LONP2: variants seen among roughly 807,000 people sequenced by gnomAD.
The protein encoded by LONP2 is lon peptidase 2, peroxisomal.
Under a neutral mutation model 85.6 loss-of-function variants are expected in LONP2, and 60 were observed. The ratio of observed to expected loss-of-function variants is 0.70; its 90% confidence interval spans 0.57 to 0.87. The LOEUF (loss-of-function observed/expected upper bound fraction) is 0.87, where lower values mean the gene tolerates loss of function less well. Ranked by LOEUF, LONP2 falls within the 40% of genes least tolerant of loss-of-function variation. The pLI is 0.00. For missense variants in LONP2, 860 were observed against 1,063.5 expected, an observed-to-expected ratio of 0.81 and a Z score of 2.66; for synonymous variants, 395 against 389.7, an observed-to-expected ratio of 1.01 and a Z score of -0.16.
At chr16:48,292,972 T>G (rs1972586681) in intron 8 of LONP2, among the ~76,000 whole-genome samples, 1 of 152,230 alleles carries the variant, frequency 6.6e-6, no homozygotes, top group East Asian at 1.9e-4. Flanking sequence ...TTTAAAAACC[T>G]CCTTCATAAT....
At chr16:48,279,339 T>A (rs1046709355) in intron 8 of LONP2, among the ~76,000 whole-genome samples, 2 of 152,152 alleles carry the variant, frequency 1.3e-5, no homozygotes, top group Non-Finnish European at 2.9e-5. Context: ...TAGAGTCAGC[T>A]GGCTGTGCTG....
rs545537128 is a variant in LONP2 at position 48,284,342 on chromosome 16, A to T, written c.1383+6863A>T. On this transcript the variant is annotated intron_variant, in intron 8 of 14. Coordinates refer to ENST00000285737, the MANE Select transcript of LONP2 (RefSeq NM_031490.5). ...TGACTTCAATTTTGAAAGAAATTCTACGGTGGGCAAAATGCTATCGAATAG... is the reference window on the plus strand; with the variant it reads ...TGACTTCAATTTTGAAAGAAATTCTTCGGTGGGCAAAATGCTATCGAATAG... Among the ~76,000 whole-genome samples, 28 of 152,368 alleles carry T rather than the reference A, an allele frequency of 1.8e-4. No individual in the cohort carries two copies. The East Asian group carries it at 5.4e-3, about 29-fold the overall frequency.
intron 11 of LONP2, among the ~76,000 whole-genome samples, chr16:48,325,523 G>A (rs1435239015): frequency 1.3e-5 from 2 of 152,066 alleles, no homozygotes; most frequent in African/African-American, 2.4e-5. Context: ...TTTGTCTTTT[G>A]GTGCCTGGCT....
In LONP2 at chr16:48,270,032, G is replaced by C. The variant is rs750099142; in HGVS notation, c.999G>C (p.Arg333Ser). Residue 333 changes from arginine (R) to serine (S), a missense_variant, in exon 7 of 15, where the codon AGG (arginine) becomes AGC (serine). This residue lies in a region of LONP2 where 743 missense variants were observed against 917.3 expected (regional missense o/e 0.81). Transcript: ENST00000285737. ...ATTTGACAGACCGCCTGGACATTAGGGCAGCCCGGATTCTTCTGGATAATG... is the reference window on the plus strand; with the variant it reads ...ATTTGACAGACCGCCTGGACATTAGCGCAGCCCGGATTCTTCTGGATAATG... ...NKSTTDRLDI[R>S]AARILLDNDH... is the part of the protein sequence containing the mutation. 2 of 1,613,716 alleles carry C rather than the reference G, an allele frequency of 1.2e-6. No individual in the cohort carries two copies. Among genetic ancestry groups the C allele is most frequent in the Non-Finnish European group, 1.7e-6 (2 of 1,179,832 alleles).
chr16:48,357,805 A>C (rs768654496), downstream of LONP2, among the ~76,000 whole-genome samples: 41 of 152,200 alleles, frequency 2.7e-4, no homozygotes, highest in Non-Finnish European at 5.3e-4. Flanking sequence ...CATACGTTTG[A>C]AGTTTGCAGA....
At chr16:48,340,080 G>A (rs1596999268) in intron 12 of LONP2, among the ~76,000 whole-genome samples, 1 of 152,198 alleles carries the variant, frequency 6.6e-6, no homozygotes, top group Admixed American at 6.5e-5. Flanking sequence ...AAAGGAAGGA[G>A]CAGAGTTTAG....
intron 8 of LONP2, among the ~76,000 whole-genome samples, chr16:48,287,598 G>T (rs1018001495): frequency 6.6e-6 from 1 of 152,312 alleles, no homozygotes; most frequent in Non-Finnish European, 1.5e-5. Context: ...GGCTTTTGAA[G>T]GATTGTAATC....
At chr16:48,348,044 G>A in intron 13 of LONP2, 56 bp from the exon 14 acceptor site, 3 of 1,476,314 alleles carry the variant, frequency 2.0e-6, no homozygotes, top group Non-Finnish European at 2.8e-6. Context: ...TTTTTTAGGA[G>A]AAAAAGAAAA....
intron 1 of LONP2, among the ~76,000 whole-genome samples, chr16:48,248,649 T>A (rs1249812230): frequency 2.0e-5 from 3 of 152,116 alleles, no homozygotes; most frequent in Non-Finnish European, 4.4e-5. Context: ...CGGGCTGAAC[T>A]GAACTAACAT....
chr16:48,357,716 T>C (rs1960428680), downstream of LONP2, among the ~76,000 whole-genome samples: 1 of 152,194 alleles, frequency 6.6e-6, no homozygotes, highest in Non-Finnish European at 1.5e-5. Flanking sequence ...ACTGCAGATG[T>C]TTCTAAATAT....
intron 5 of LONP2, among the ~76,000 whole-genome samples, chr16:48,262,452 A>G (rs1021445820): frequency 6.6e-6 from 1 of 152,166 alleles, no homozygotes; most frequent in African/African-American, 2.4e-5. Flanking sequence ...GTTTGCAGGT[A>G]TCTGCCTTAT....
intron 10 of LONP2, among the ~76,000 whole-genome samples, chr16:48,300,162 C>T (rs781521218): frequency 1.3e-4 from 20 of 152,180 alleles, no homozygotes; most frequent in Admixed American, 2.6e-4. Flanking sequence ...TTTTTATGCC[C>T]AGGATCTTGA....
intron 11 of LONP2, among the ~76,000 whole-genome samples, chr16:48,327,921 A>G (rs1959296779): frequency 6.6e-6 from 1 of 152,178 alleles, no homozygotes; most frequent in Non-Finnish European, 1.5e-5. Context: ...AATGTATGTG[A>G]TTCCCAACCG....
chr16:48,303,089 T>G (rs1051984288), intron 10 of LONP2, 83 bp from the exon 11 acceptor site: 11 of 1,501,238 alleles, frequency 7.3e-6, no homozygotes, highest in Non-Finnish European at 1.0e-5. Flanking sequence ...GTACACTGTT[T>G]TACCAAAAAT....
intron 8 of LONP2, among the ~76,000 whole-genome samples, chr16:48,291,938 C>T (rs1054287505): frequency 1.4e-4 from 22 of 152,124 alleles, no homozygotes; most frequent in African/African-American, 5.3e-4. Flanking sequence ...ATTTTGGCAA[C>T]GTTCTCCAGA....
intron 1 of LONP2, among the ~76,000 whole-genome samples, chr16:48,247,053 G>A (rs149957069): frequency 2.7e-3 from 414 of 152,228 alleles, no homozygotes; most frequent in African/African-American, 9.6e-3. Flanking sequence ...ATATTGAAAA[G>A]TCTTCATAGA....
At chr16:48,290,487 T>C (rs1222363497) in intron 8 of LONP2, among the ~76,000 whole-genome samples, 2 of 152,134 alleles carry the variant, frequency 1.3e-5, no homozygotes, top group African/African-American at 2.4e-5. Context: ...CAGTCGTGAG[T>C]TGACTTCCAG....
intron 8 of LONP2, among the ~76,000 whole-genome samples, chr16:48,291,617 T>C (rs763589507): frequency 3.3e-5 from 5 of 152,266 alleles, no homozygotes; most frequent in African/African-American, 4.8e-5. Flanking sequence ...AATCTTTTAG[T>C]TGGGGAGAAT....
intron 11 of LONP2, among the ~76,000 whole-genome samples, chr16:48,319,040 T>C (rs570595624): frequency 6.6e-6 from 1 of 151,746 alleles, no homozygotes; most frequent in South Asian, 2.1e-4. Context: ...TCTACGGCCA[T>C]GAGTGCATTT....
Sources: allele counts gnomAD v4.1 joint callset (sites outside exome capture counted in the v4.1 genomes callset), GRCh38; gene constraint gnomAD v4.1.1; regional missense constraint gnomAD v4.1.1; transcripts MANE v1.5; gene names NCBI Gene and HGNC (gene_info 2026-07-23, HGNC 2026-07-21).